SHISA9: variants seen among roughly 807,000 people sequenced by gnomAD.
SHISA9 encodes the protein shisa family member 9.
In SHISA9, 13 loss-of-function variants were observed where a neutral mutation model predicts 38.0. The observed-to-expected ratio is 0.34, with a 90% CI of 0.22 to 0.54. The LOEUF (loss-of-function observed/expected upper bound fraction) is 0.54, where lower values mean the gene tolerates loss of function less well. Ranked by LOEUF, SHISA9 falls within the 20% of genes least tolerant of loss-of-function variation. The probability of loss-of-function intolerance (pLI) is 0.91; values close to 1 mark genes in which losing one functional copy is unlikely to be tolerated. For missense variants in SHISA9, 538 were observed against 575.8 expected, an observed-to-expected ratio of 0.93 and a Z score of 0.67; for synonymous variants, 275 against 242.0, an observed-to-expected ratio of 1.14 and a Z score of -1.27.
At chr16:12,903,706 T>A (rs1261984884) in intron 1 of SHISA9, among the ~76,000 whole-genome samples, 1 of 151,876 alleles carries the variant, frequency 6.6e-6, no homozygotes, top group Non-Finnish European at 1.5e-5. Context: ...GGCATAAGCT[T>A]TAACTGTCCC....
At chr16:13,186,578 G>A (rs1489639599) in intron 2 of SHISA9, among the ~76,000 whole-genome samples, 1 of 152,086 alleles carries the variant, frequency 6.6e-6, no homozygotes, top group East Asian at 1.9e-4. Flanking sequence ...TTACAGGTGT[G>A]AAGCCACCGT....
chr16:12,903,412 T>C (rs2141702137), intron 1 of SHISA9, among the ~76,000 whole-genome samples: 1 of 152,304 alleles, frequency 6.6e-6, no homozygotes, highest in African/African-American at 2.4e-5. Flanking sequence ...TTCGTCAACT[T>C]TCGGGTTTGC....
chr16:13,090,766 C>G (rs955218066), intron 2 of SHISA9, among the ~76,000 whole-genome samples: 1 of 152,050 alleles, frequency 6.6e-6, no homozygotes, highest in African/African-American at 2.4e-5. Context: ...AAGTCTGTGT[C>G]TTTTAATTGG....
intron 1 of SHISA9, among the ~76,000 whole-genome samples, chr16:12,914,876 A>G (rs150809376): frequency 8.5e-5 from 13 of 152,292 alleles, no homozygotes; most frequent in African/African-American, 2.9e-4. Flanking sequence ...CATCTTAACA[A>G]GTTCCCAGGC....
the SHISA9 span, among the ~76,000 whole-genome samples, chr16:13,558,058 TTAAAC>T: frequency 6.6e-6 from 1 of 152,004 alleles, no homozygotes; most frequent in Non-Finnish European, 1.5e-5. Flanking sequence ...CCAAAAAAAA[TTAAAC>T]TAAAAGTTGA....
At chr16:13,042,552 T>G (rs944378213) in intron 2 of SHISA9, among the ~76,000 whole-genome samples, 3 of 152,190 alleles carry the variant, frequency 2.0e-5, no homozygotes, top group Admixed American at 6.5e-5. Context: ...TCCTCTGAAT[T>G]GAGTGTCTAA....
At chr16:13,465,832 T>A in the SHISA9 span, among the ~76,000 whole-genome samples, 1 of 152,248 alleles carries the variant, frequency 6.6e-6, no homozygotes, top group African/African-American at 2.4e-5. Context: ...GGGTCAAATG[T>A]GGCCCACTGC....
chr16:13,205,018 A>G (rs1192429535), intron 3 of SHISA9: 1 of 152,180 alleles, frequency 6.6e-6, no homozygotes, highest in Non-Finnish European at 1.5e-5. Flanking sequence ...ACAGAAAGCA[A>G]TTCCTGACTC....
chr16:13,493,217 C>T, the SHISA9 span, among the ~76,000 whole-genome samples: 2 of 137,036 alleles, frequency 1.5e-5, no homozygotes, highest in Non-Finnish European at 3.4e-5. Context: ...AAATGACACT[C>T]ATCATCAGTT....
At chr16:13,309,408 C>T in the SHISA9 span, among the ~76,000 whole-genome samples, 2 of 151,900 alleles carry the variant, frequency 1.3e-5, no homozygotes, top group South Asian at 2.1e-4. Context: ...TTTGGGAGGC[C>T]GAGGTGGGTA....
the SHISA9 span, among the ~76,000 whole-genome samples, chr16:13,399,734 G>C: frequency 2.6e-5 from 4 of 152,200 alleles, no homozygotes; most frequent in Admixed American, 1.3e-4. Flanking sequence ...GGGTGCCTGC[G>C]TGTATCTGAC....
chr16:13,393,170 C>T, the SHISA9 span, among the ~76,000 whole-genome samples: 4 of 152,158 alleles, frequency 2.6e-5, no homozygotes, highest in Non-Finnish European at 5.9e-5. Flanking sequence ...CTGATACCCT[C>T]GTGCTCACTG....
chr16:13,415,515 A>G, the SHISA9 span, among the ~76,000 whole-genome samples: 1 of 152,186 alleles, frequency 6.6e-6, no homozygotes, highest in Non-Finnish European at 1.5e-5. Context: ...GTGATGAAAT[A>G]ATCTGTACAA....
the SHISA9 span, among the ~76,000 whole-genome samples, chr16:13,560,539 T>C: frequency 6.6e-6 from 1 of 152,146 alleles, no homozygotes; most frequent in African/African-American, 2.4e-5. Context: ...CCAACGAACT[T>C]CCAATGCAGG....
At chr16:13,195,008 T>C (rs951887279) in intron 2 of SHISA9, among the ~76,000 whole-genome samples, 3 of 152,240 alleles carry the variant, frequency 2.0e-5, no homozygotes, top group South Asian at 2.1e-4. Context: ...TAGGTCAATA[T>C]AGACACGGAT....
intron 2 of SHISA9, among the ~76,000 whole-genome samples, chr16:13,146,292 C>G (rs924306832): frequency 6.6e-6 from 1 of 152,158 alleles, no homozygotes; most frequent in African/African-American, 2.4e-5. Context: ...GCCAGGTTTC[C>G]TGCATTCAGG....
chr16:13,323,444 C>T, the SHISA9 span, among the ~76,000 whole-genome samples: 208 of 152,284 alleles, frequency 1.4e-3, 1 homozygote, highest in East Asian at 4.4e-3. Flanking sequence ...GGATGTTTGT[C>T]CCCCTTCAAA....
At chr16:13,415,893 ATTATAT>A in the SHISA9 span, among the ~76,000 whole-genome samples, 1,625 of 152,298 alleles carry the variant, frequency 0.011, 38 homozygotes, top group African/African-American at 0.038. Context: ...ATACTGGAAG[ATTATAT>A]TTATATGAAA....
the SHISA9 span, among the ~76,000 whole-genome samples, chr16:13,403,068 C>T: frequency 6.6e-6 from 1 of 151,594 alleles, no homozygotes. Flanking sequence ...CGTGCCACTG[C>T]ACTCCAGCCT....
Sources: gnomAD v4.1 joint callset for allele counts (sites outside exome capture counted in the v4.1 genomes callset) on GRCh38, gnomAD v4.1.1 for gene constraint, MANE v1.5 for transcripts, NCBI Gene and HGNC (gene_info 2026-07-23, HGNC 2026-07-21) for gene names.